SCAPER: variants seen among roughly 807,000 people sequenced by gnomAD.
The protein encoded by SCAPER is S-phase cyclin A associated protein in the ER.
Under a neutral mutation model 182.2 loss-of-function variants are expected in SCAPER, and 98 were observed. That is an observed-to-expected ratio of 0.54 (90% CI 0.46 to 0.64). The LOEUF (loss-of-function observed/expected upper bound fraction) is 0.64, where lower values mean the gene tolerates loss of function less well. Among genes scored for constraint, SCAPER ranks in the 30% least tolerant of loss-of-function variants. The probability of loss-of-function intolerance (pLI) is 0.00; values close to 1 mark genes in which losing one functional copy is unlikely to be tolerated. For missense variants in SCAPER, 1,432 were observed against 1,690.0 expected (o/e 0.85, Z 2.68); for synonymous variants, 605 against 564.6 (o/e 1.07, Z -1.01).
At chr15:76,364,476 A>C (rs1023686058) in intron 29 of SCAPER, among the ~76,000 whole-genome samples, 3 of 152,166 alleles carry the variant, frequency 2.0e-5, no homozygotes, top group Non-Finnish European at 4.4e-5. Context: ...GATGCTAAAG[A>C]AACAAGGGCT....
chr15:76,808,794 C>T (rs918363257), intron 5 of SCAPER, among the ~76,000 whole-genome samples: 1 of 152,136 alleles, frequency 6.6e-6, no homozygotes, highest in Admixed American at 6.5e-5. Flanking sequence ...ATCTGCCAGG[C>T]CCCTGGGAGC....
intron 1 of SCAPER, among the ~76,000 whole-genome samples, chr15:76,889,829 C>A (rs922214894): frequency 6.6e-6 from 1 of 152,178 alleles, no homozygotes; most frequent in East Asian, 1.9e-4. Context: ...ACCTAATAGA[C>A]ATCTACAGAA....
At chr15:76,705,345 C>A (rs1426792371) in intron 18 of SCAPER, among the ~76,000 whole-genome samples, 1 of 133,884 alleles carries the variant, frequency 7.5e-6, no homozygotes, top group African/African-American at 2.9e-5. Flanking sequence ...GGGAATTGAA[C>A]AATGAGAACA....
chr15:76,889,861 A>G lies in SCAPER; in HGVS notation c.-59-5985T>C, dbSNP rs192984911. 2.8e-4 allele frequency among the ~76,000 whole-genome samples: 42 copies of G among 152,340 alleles called. 1 individual carries two copies. The East Asian group carries it at 4.6e-3, about 17-fold the overall frequency. On this transcript the variant is annotated intron_variant, in intron 1 of 31. Coordinates refer to ENST00000563290, the MANE Select transcript of SCAPER (RefSeq NM_020843.4). Reference sequence around the variant, plus strand: ...AGAACTCTCCACCCCAATTCAACAGAATATTCATTCTTCTCAGCACCACGT... The same window carrying G: ...AGAACTCTCCACCCCAATTCAACAGGATATTCATTCTTCTCAGCACCACGT...
At chr15:76,436,458 T>C (rs1292239688) in intron 25 of SCAPER, among the ~76,000 whole-genome samples, 2 of 152,208 alleles carry the variant, frequency 1.3e-5, no homozygotes, top group Admixed American at 6.5e-5. Context: ...TCCTGCTTCT[T>C]TGGAGACTTC....
intron 5 of SCAPER, among the ~76,000 whole-genome samples, chr15:76,808,840 A>G (rs961022673): frequency 3.9e-5 from 6 of 152,230 alleles, no homozygotes; most frequent in Admixed American, 6.5e-5. Flanking sequence ...AAGACTGTGC[A>G]GTCTGAACAA....
chr15:76,780,546 G>A (rs1410501121), intron 8 of SCAPER, among the ~76,000 whole-genome samples: 1 of 152,224 alleles, frequency 6.6e-6, no homozygotes, highest in African/African-American at 2.4e-5. Context: ...CATGGCATTT[G>A]AGCTCAGAGA....
At chr15:76,422,032 G>GTA (rs1405551290) in intron 26 of SCAPER, among the ~76,000 whole-genome samples, 2 of 152,180 alleles carry the variant, frequency 1.3e-5, no homozygotes, top group Admixed American at 1.3e-4. Context: ...TAGCCTTGTA[G>GTA]TATAGTTTGA....
chr15:76,418,001 A>G (rs1274237763), intron 26 of SCAPER, among the ~76,000 whole-genome samples: 1 of 152,104 alleles, frequency 6.6e-6, no homozygotes, highest in African/African-American at 2.4e-5. Flanking sequence ...CTGGCAACAG[A>G]GCAAGACTCC....
chr15:76,370,291 A>ATTTTTTTTTTTTTTTTTTT (rs10524497), intron 29 of SCAPER, among the ~76,000 whole-genome samples: 1 of 119,460 alleles, frequency 8.4e-6, no homozygotes, highest in African/African-American at 3.7e-5. Flanking sequence ...TACCATTTCA[A>ATTTTTTTTTTTTTTTTTTT]TTTTTTTTTT....
At chr15:76,388,668 TAC>T (rs1019124318) in intron 27 of SCAPER, among the ~76,000 whole-genome samples, 1 of 152,056 alleles carries the variant, frequency 6.6e-6, no homozygotes, top group Non-Finnish European at 1.5e-5. Context: ...CTTTGAAAAT[TAC>T]AGTCAGTCGG....
In SCAPER at chr15:76,702,927, G is replaced by T; in HGVS notation, c.2323C>A (p.Arg775=). Residue 775 remains arginine (R), a synonymous_variant, in exon 19 of 32, where the codon CGA becomes AGA. Coordinates refer to ENST00000563290, the MANE Select transcript of SCAPER (RefSeq NM_020843.4). ...KEKAAELSSG[R]HANTDYAPKL... ...GGGGCATAATCAGTATTTGCATGTC[G>T]CCCACTGCTTAGCTCAGCAGCTTTT... The T allele has an allele frequency of 6.2e-7, 1 of 1,610,254 alleles. No homozygotes were observed.
Position 76,471,301 on chromosome 15 carries a change from T to C in SCAPER, c.2989A>G (p.Thr997Ala). 6.2e-7 allele frequency: 1 copy of C among 1,611,684 alleles called. No individual in the cohort carries two copies. The highest frequency in any genetic ancestry group is 8.5e-7 in the Non-Finnish European group (1 of 1,178,834). ...CAGTTTTCTGAACAGTTATTGCAGG[T>C]GAGGTTGTAAACATTGATTGCATTG... Reference protein sequence around the residue: ...LCNAINVYNLTCNNCSENCSD... With the variant: ...LCNAINVYNLACNNCSENCSD... Residue 997 changes from threonine to alanine, a missense_variant, in exon 25 of 32, where the codon ACC becomes GCC. This residue lies in a region of SCAPER where 718 missense variants were observed against 799.7 expected (regional missense o/e 0.90). Transcript: ENST00000563290.
intron 23 of SCAPER, among the ~76,000 whole-genome samples, chr15:76,572,921 A>T (rs1310401057): frequency 2.1e-4 from 31 of 149,646 alleles, no homozygotes; most frequent in African/African-American, 7.3e-4. Context: ...TCTCTCTCTC[A>T]CACACACACA....
At chr15:76,854,971 C>CAA (rs201939128) in intron 4 of SCAPER, among the ~76,000 whole-genome samples, 11 of 141,602 alleles carry the variant, frequency 7.8e-5, no homozygotes, top group Non-Finnish European at 1.1e-4. Flanking sequence ...GACTCCGTCC[C>CAA]AAAAAAAAAT....
chr15:76,584,970 A>G (rs1425306997), intron 22 of SCAPER, among the ~76,000 whole-genome samples: 2 of 152,254 alleles, frequency 1.3e-5, no homozygotes, highest in African/African-American at 4.8e-5. Context: ...ATGCCACTCA[A>G]AAAGGCACTG....
At position 76,354,235 on chromosome 15, in the gene SCAPER, C is replaced by T. The variant is rs1353963275; in HGVS notation, c.3856-95G>A. ...GTCGGCTAGTACCATGGAAAACATG[C>T]TGAAGGAGTGTAAAGAAAAAGACTC... On this transcript the variant is annotated intron_variant, in intron 29 of 31. Coordinates refer to ENST00000563290, the MANE Select transcript of SCAPER (RefSeq NM_020843.4). The surrounding 1 kb of genome is among the most constrained non-coding windows in gnomAD (Gnocchi z 4.4). The T allele has an allele frequency of 1.4e-5, 16 of 1,159,426 alleles. No individual in the cohort carries two copies. The highest frequency in any genetic ancestry group is 1.9e-5 in the Non-Finnish European group (16 of 840,968). The allele number at this position is 1,159,426 out of a possible 1,614,324, so 71.8% of individuals were successfully genotyped here.
At chr15:76,535,340 G>A (rs1479999075) in intron 23 of SCAPER, among the ~76,000 whole-genome samples, 4 of 151,438 alleles carry the variant, frequency 2.6e-5, no homozygotes, top group East Asian at 1.9e-4. Flanking sequence ...TGGCTAACAC[G>A]GTGAGACCCT....
intron 26 of SCAPER, among the ~76,000 whole-genome samples, chr15:76,427,933 CAAAA>C (rs35011897): frequency 7.6e-6 from 1 of 131,918 alleles, no homozygotes. Flanking sequence ...AACTCCATCT[CAAAA>C]AAAAAAAAAA....
Sources: gnomAD v4.1 joint callset for allele counts (sites outside exome capture counted in the v4.1 genomes callset) on GRCh38, gnomAD v4.1.1 for gene constraint, gnomAD v4.1.1 regional missense constraint, Gnocchi (gnomAD v3.1) non-coding constraint, MANE v1.5 for transcripts, NCBI Gene and HGNC (gene_info 2026-07-23, HGNC 2026-07-21) for gene names.